Variants in ERICH6B observed in about 807,000 individuals in gnomAD.
The protein encoded by ERICH6B is glutamate rich 6B.
A neutral mutation model predicts 80.0 loss-of-function variants in ERICH6B; 69 were observed. The ratio of observed to expected loss-of-function variants is 0.86; its 90% CI spans 0.71 to 1.05. The LOEUF (loss-of-function observed/expected upper bound fraction) is 1.05, where lower values mean the gene tolerates loss of function less well. Among genes scored for constraint, ERICH6B ranks in the 50% least tolerant of loss-of-function variants. The probability of loss-of-function intolerance (pLI) is 0.00; values close to 1 mark genes in which losing one functional copy is unlikely to be tolerated. For missense variants in ERICH6B, 754 were observed against 796.1 expected (o/e 0.95, Z 0.64); for synonymous variants, 283 against 291.9 (o/e 0.97, Z 0.31).
intron 13 of ERICH6B, among the ~76,000 whole-genome samples, chr13:45,546,925 T>C (rs1370107557): frequency 6.6e-6 from 1 of 152,330 alleles, no homozygotes; most frequent in African/African-American, 2.4e-5. Context: ...AGCAAACTTC[T>C]AAGGTCCTTT....
chr13:45,569,288 G>C (rs575922513), intron 8 of ERICH6B, among the ~76,000 whole-genome samples: 12 of 152,270 alleles, frequency 7.9e-5, no homozygotes, highest in African/African-American at 2.9e-4. Context: ...ACCATGCCCA[G>C]CTAATTTTTG....
intron 11 of ERICH6B, among the ~76,000 whole-genome samples, chr13:45,554,699 G>A (rs942742673): frequency 6.6e-6 from 1 of 152,236 alleles, no homozygotes; most frequent in African/African-American, 2.4e-5. Flanking sequence ...TTTGCTTGGG[G>A]ACAGAATAGG....
At chr13:45,577,360 T>C (rs1018225581) in intron 7 of ERICH6B, among the ~76,000 whole-genome samples, 2 of 136,228 alleles carry the variant, frequency 1.5e-5, no homozygotes, top group African/African-American at 5.3e-5. Context: ...CTCAGCTCAC[T>C]GCAATCTCCG....
chr13:45,546,629 T>C (rs1235716273), intron 13 of ERICH6B, among the ~76,000 whole-genome samples: 1 of 152,174 alleles, frequency 6.6e-6, no homozygotes, highest in Non-Finnish European at 1.5e-5. Context: ...TGCAGAGATA[T>C]ACCTGTCTTG....
chr13:45,604,152 G>A (rs929559287), intron 2 of ERICH6B, among the ~76,000 whole-genome samples: 1 of 152,232 alleles, frequency 6.6e-6, no homozygotes, highest in Non-Finnish European at 1.5e-5. Flanking sequence ...GCAGTGCGGT[G>A]TATCTGAGAA....
chr13:45,567,247 TG>T (rs1370765692), intron 9 of ERICH6B, among the ~76,000 whole-genome samples: 1 of 152,230 alleles, frequency 6.6e-6, no homozygotes, highest in African/African-American at 2.4e-5. Context: ...TTGTCTCAGA[TG>T]AGACTTCGGA....
chr13:45,557,091 C>A (rs1278632384), intron 11 of ERICH6B, among the ~76,000 whole-genome samples: 3 of 152,176 alleles, frequency 2.0e-5, no homozygotes, highest in Non-Finnish European at 4.4e-5. Context: ...CGCATCCACA[C>A]CAACATCTAT....
At chr13:45,590,134 G>A (rs1318634583) in intron 4 of ERICH6B, among the ~76,000 whole-genome samples, 3 of 151,798 alleles carry the variant, frequency 2.0e-5, no homozygotes, top group Non-Finnish European at 4.4e-5. Flanking sequence ...CCTGCAGCTG[G>A]GCACGTAGCA....
chr13:45,574,098 T>G (rs1875282117), intron 8 of ERICH6B, among the ~76,000 whole-genome samples: 1 of 152,212 alleles, frequency 6.6e-6, no homozygotes, highest in African/African-American at 2.4e-5. Flanking sequence ...TGCATTTTCT[T>G]TTATAAATTT....
chr13:45,570,630 C>T (rs574172898), intron 8 of ERICH6B, among the ~76,000 whole-genome samples: 11 of 152,280 alleles, frequency 7.2e-5, no homozygotes, highest in South Asian at 2.1e-4. Flanking sequence ...GTCTTGCAGC[C>T]GCAGGTTCTG....
chr13:45,576,687 A>G (rs1041526059), intron 7 of ERICH6B, among the ~76,000 whole-genome samples: 1 of 152,024 alleles, frequency 6.6e-6, no homozygotes, highest in Non-Finnish European at 1.5e-5. Context: ...GCAACTTCCC[A>G]TCATTTGCGA....
chr13:45,567,774 C>T (rs191185180), intron 9 of ERICH6B, among the ~76,000 whole-genome samples: 93 of 152,348 alleles, frequency 6.1e-4, no homozygotes, highest in Admixed American at 3.3e-3. Flanking sequence ...GACCTGATGC[C>T]AGTGACACAG....
At chr13:45,566,624 G>A (rs549910504) in intron 9 of ERICH6B, among the ~76,000 whole-genome samples, 220 of 152,368 alleles carry the variant, frequency 1.4e-3, no homozygotes, top group Non-Finnish European at 2.6e-3. Context: ...GCCTGTGAGT[G>A]CACAGAAGTC....
chr13:45,562,930 C>T (rs1209780308), intron 10 of ERICH6B, among the ~76,000 whole-genome samples: 5 of 152,000 alleles, frequency 3.3e-5, no homozygotes, highest in South Asian at 2.1e-4. Context: ...CAAGGCTCAG[C>T]GAGAAAAAGT....
At chr13:45,590,724 A>G (rs951878781) in intron 3 of ERICH6B, 27 bp from the exon 4 acceptor site, 2 of 1,542,434 alleles carry the variant, frequency 1.3e-6, no homozygotes, top group Non-Finnish European at 1.8e-6. Context: ...TAAAAAAGCA[A>G]TATTGGCAAA....
At position 45,611,317 on chromosome 13, in the gene ERICH6B, C is replaced by G. The variant is rs78940268; in HGVS notation, c.-110-3702G>C. 8.1e-3 allele frequency among the ~76,000 whole-genome samples: 1,231 copies of G among 152,300 alleles called. 11 individuals are homozygous for G. Among genetic ancestry groups the G allele is most frequent in the Non-Finnish European group, 0.014 (942 of 68,018 alleles). On this transcript the variant is annotated intron_variant, in intron 1 of 14. Coordinates refer to ENST00000298738, the MANE Select transcript of ERICH6B (RefSeq NM_182542.3). ...ATTATTTGACATCTCTGGCAAACAG[C>G]AGTGGGGATTAAACAGAGCTTTCTT...
At chr13:45,602,374 T>G (rs1488961608) in intron 2 of ERICH6B, among the ~76,000 whole-genome samples, 1 of 152,246 alleles carries the variant, frequency 6.6e-6, no homozygotes, top group Non-Finnish European at 1.5e-5. Flanking sequence ...AGTTGTTATC[T>G]ATAAATGTAA....
chr13:45,611,896 C>A (rs1022438627), intron 1 of ERICH6B, among the ~76,000 whole-genome samples: 1 of 152,244 alleles, frequency 6.6e-6, no homozygotes, highest in Admixed American at 6.5e-5. Flanking sequence ...GCTGCTAAAT[C>A]TTCTCTTGGG....
chr13:45,603,655 C>T (rs971280081), intron 2 of ERICH6B, among the ~76,000 whole-genome samples: 6 of 152,162 alleles, frequency 3.9e-5, no homozygotes, highest in African/African-American at 1.4e-4. Flanking sequence ...GTCCTGCTCC[C>T]TCTGTCACCC....
Sources: allele counts gnomAD v4.1 joint callset (sites outside exome capture counted in the v4.1 genomes callset), GRCh38; gene constraint gnomAD v4.1.1; transcripts MANE v1.5; gene names NCBI Gene and HGNC (gene_info 2026-07-23, HGNC 2026-07-21).